CDC73: variants seen among roughly 807,000 people sequenced by gnomAD.
CDC73 encodes the protein cell division cycle 73.
In CDC73, 21 loss-of-function variants were observed where a neutral mutation model predicts 83.7. The observed-to-expected ratio is 0.25, with a 90% CI of 0.18 to 0.36. The LOEUF (loss-of-function observed/expected upper bound fraction) is 0.36, where lower values mean the gene tolerates loss of function less well. Ranked by LOEUF, CDC73 falls within the 10% of genes least tolerant of loss-of-function variation. The pLI is 1.00. For synonymous variants in CDC73, 224 were observed against 212.9 expected (o/e 1.05, Z -0.45); for missense variants, 342 against 653.3 (o/e 0.52, Z 5.19).
chr1:193,250,011 C>T (rs1032841428), intron 16 of CDC73, 140 bp downstream of exon 16: 16 of 763,296 alleles, frequency 2.1e-5, no homozygotes, highest in Middle Eastern at 3.3e-4. Flanking sequence ...ATCTTCAGTA[C>T]ATAATTAACA....
chr1:193,234,175 T>TCACACACACACA (rs71111461), intron 14 of CDC73, among the ~76,000 whole-genome samples: 10 of 101,412 alleles, frequency 9.9e-5, no homozygotes, highest in African/African-American at 3.8e-4. Context: ...TCTCTCTCTC[T>TCACACACACACA]CACACACACA....
chr1:193,232,480 C>G (rs1677677705), intron 13 of CDC73, among the ~76,000 whole-genome samples: 1 of 152,072 alleles, frequency 6.6e-6, no homozygotes, highest in Non-Finnish European at 1.5e-5. Flanking sequence ...ACACACCCAA[C>G]TTAGGGTCTG....
Position 193,147,913 on chromosome 1 carries a change from GAGA to G in CDC73, c.782_784del (p.Glu261del), listed in dbSNP as rs1676029521. 1 of 1,613,622 alleles carries G rather than the reference GAGA, an allele frequency of 6.2e-7. No homozygotes were observed. The highest frequency in any genetic ancestry group is 1.3e-5 in the African/African-American group (1 of 74,930). ...GCAATTCTTCAATCTGTAAAAGCCA[GAGA>G]AGAAGGGCGTGCACCTGAACAGCGA... On this transcript the variant is annotated inframe_deletion, in exon 8 of 17. Transcript: ENST00000367435.
chr1:193,123,579 A>G (rs1019754656), intron 1 of CDC73, among the ~76,000 whole-genome samples: 4 of 152,176 alleles, frequency 2.6e-5, no homozygotes, highest in African/African-American at 7.2e-5. Context: ...GCTTTATAAA[A>G]TGTTGATCAA....
In CDC73 at chr1:193,147,916, A is replaced by G; in HGVS notation, c.779A>G (p.Glu260Gly). The change falls in exon 8 of 17, where the codon GAA (glutamate) becomes GGA (glycine). Residue 260 changes from glutamate to glycine, a missense_variant. Transcript: ENST00000367435. ...FAILQSVKAR[E>G]EGRAPEQRPA... ...ATTCTTCAATCTGTAAAAGCCAGAG[A>G]AGAAGGGCGTGCACCTGAACAGCGA... The G allele has an allele frequency of 6.2e-7, 1 of 1,613,794 alleles. No individual in the cohort carries two copies. Among genetic ancestry groups the G allele is most frequent in the Non-Finnish European group, 8.5e-7 (1 of 1,179,686 alleles).
intron 14 of CDC73, among the ~76,000 whole-genome samples, chr1:193,234,714 T>C (rs1677728273): frequency 6.6e-6 from 1 of 152,194 alleles, no homozygotes; most frequent in African/African-American, 2.4e-5. Flanking sequence ...AAGTGACCTC[T>C]GTCCAGCAAA....
chr1:193,219,968 C>G (rs1289021172), intron 13 of CDC73, among the ~76,000 whole-genome samples: 2 of 152,084 alleles, frequency 1.3e-5, no homozygotes, highest in African/African-American at 2.4e-5. Context: ...GCAAAGTCTT[C>G]TACAAGAGTC....
chr1:193,233,164 T>A lies in CDC73; in HGVS notation c.1316+10T>A, dbSNP rs1404967161. The A allele has an allele frequency of 8.1e-6, 13 of 1,597,732 alleles. No homozygotes were observed. The highest frequency in any genetic ancestry group is 1.3e-5 in the African/African-American group (1 of 74,572). On this transcript the variant is annotated intron_variant, in intron 14 of 16. Coordinates refer to ENST00000367435, the MANE Select transcript of CDC73 (RefSeq NM_024529.5). ...TTATGCCTCAAGACTGGTAAGATAGTCTCTATATATATATCTTTTCACAGG... is the reference window on the plus strand; with the variant it reads ...TTATGCCTCAAGACTGGTAAGATAGACTCTATATATATATCTTTTCACAGG...
chr1:193,224,177 A>G (rs1182808618), intron 13 of CDC73, among the ~76,000 whole-genome samples: 3 of 151,452 alleles, frequency 2.0e-5, no homozygotes, highest in African/African-American at 4.8e-5. Flanking sequence ...TCTGATAACT[A>G]CCAGACTACT....
intron 10 of CDC73, among the ~76,000 whole-genome samples, chr1:193,185,479 C>G (rs1676790422): frequency 6.6e-6 from 1 of 151,676 alleles, no homozygotes; most frequent in Non-Finnish European, 1.5e-5. Context: ...TGGTTGTGTT[C>G]ATTATCTTCA....
chr1:193,160,279 A>G (rs1676286288), intron 10 of CDC73, among the ~76,000 whole-genome samples: 1 of 152,174 alleles, frequency 6.6e-6, no homozygotes, highest in Non-Finnish European at 1.5e-5. Flanking sequence ...TATTGTTGCC[A>G]CGTATATCAG....
In CDC73 at chr1:193,127,289, ATGTGTGTG is replaced by A. The variant is rs34948918; in HGVS notation, c.237+2093_237+2100del. 4.0e-3 allele frequency among the ~76,000 whole-genome samples: 569 copies of A among 143,256 alleles called. 2 individuals are homozygous for A. Among genetic ancestry groups the A allele is most frequent in the African/African-American group, 0.012 (462 of 38,798 alleles). The allele number at this position is 143,256 out of a possible 152,430, so 94.0% of individuals were successfully genotyped here. Reference sequence around the variant, plus strand: ...ACTCTGTCTCAGGGAAAAAAAAAAAATGTGTGTGTGTGTGTGTGTGTGTGTGTGATTAT... The same window carrying A: ...ACTCTGTCTCAGGGAAAAAAAAAAAATGTGTGTGTGTGTGTGTGTGATTAT... On this transcript the variant is annotated intron_variant, in intron 2 of 16. Coordinates refer to ENST00000367435, the MANE Select transcript of CDC73 (RefSeq NM_024529.5).
intron 10 of CDC73, among the ~76,000 whole-genome samples, chr1:193,181,942 A>G (rs1184316412): frequency 6.6e-6 from 1 of 152,180 alleles, no homozygotes; most frequent in Admixed American, 6.5e-5. Context: ...GGTCATTTGT[A>G]CTTTTGACCC....
chr1:193,164,942 A>C (rs1018525267), intron 10 of CDC73, among the ~76,000 whole-genome samples: 1 of 152,216 alleles, frequency 6.6e-6, no homozygotes, highest in African/African-American at 2.4e-5. Flanking sequence ...AGAGGTGAGG[A>C]GCGATAGACT....
At chr1:193,212,346 A>G in intron 12 of CDC73, 44 bp from the exon 13 acceptor site, 1 of 1,162,464 alleles carries the variant, frequency 8.6e-7, no homozygotes, top group Admixed American at 2.1e-5. Flanking sequence ...AGTAAGTATA[A>G]TTTCTAATAA....
intron 2 of CDC73, among the ~76,000 whole-genome samples, chr1:193,128,393 A>G (rs12123750): frequency 0.045 from 6,891 of 152,020 alleles, 155 homozygotes; most frequent in African/African-American, 0.057. Flanking sequence ...TCCCGGGCTC[A>G]AGTTGTCTTC....
chr1:193,158,130 T>C (rs1487057510), intron 10 of CDC73, among the ~76,000 whole-genome samples: 1 of 151,666 alleles, frequency 6.6e-6, no homozygotes, highest in East Asian at 1.9e-4. Context: ...ATGATATAAT[T>C]TTCATTCAAA....
At position 193,173,725 on chromosome 1, in the gene CDC73, T is replaced by C. The variant is rs1676557409; in HGVS notation, c.972+21281T>C. On this transcript the variant is annotated intron_variant, in intron 10 of 16. Transcript: ENST00000367435. The stretch of plus-strand genomic sequence containing the variant: ...GTGAATCCTCTTTCTGAATATATTT[T>C]TAAGGCATAAAAGAAAATACATAAG... Among the ~76,000 whole-genome samples, 3 of 152,292 alleles carry C rather than the reference T, an allele frequency of 2.0e-5. No homozygotes were observed. In the South Asian group the frequency reaches 6.2e-4, roughly 32 times the overall value.
intron 7 of CDC73, among the ~76,000 whole-genome samples, chr1:193,146,922 C>T (rs1558287034): frequency 6.6e-6 from 1 of 152,030 alleles, no homozygotes; most frequent in South Asian, 2.1e-4. Flanking sequence ...TGGAGTTTAA[C>T]AGGAGGATGT....
Sources: gnomAD v4.1 joint callset for allele counts (sites outside exome capture counted in the v4.1 genomes callset) on GRCh38, gnomAD v4.1.1 for gene constraint, MANE v1.5 for transcripts, NCBI Gene and HGNC (gene_info 2026-07-23, HGNC 2026-07-21) for gene names.